Variants in HELLS observed in about 807,000 individuals in gnomAD.
The protein encoded by HELLS is helicase, lymphoid specific, also known as lymphoid-specific helicase.
In HELLS, 32 loss-of-function variants were observed where a neutral mutation model predicts 120.0. The ratio of observed to expected loss-of-function variants is 0.27; its 90% confidence interval spans 0.20 to 0.36. HELLS has a LOEUF of 0.36. Ranked by LOEUF, HELLS falls within the 10% of genes least tolerant of loss-of-function variation. HELLS has a pLI of 1.00. For missense variants in HELLS, 650 were observed against 993.4 expected, an observed-to-expected ratio of 0.65 and a Z score of 4.65; for synonymous variants, 341 against 323.4, an observed-to-expected ratio of 1.05 and a Z score of -0.58.
At chr10:94,601,490 A>G (rs763728229) in intron 21 of HELLS, 38 bp from the exon 22 acceptor site, 1 of 1,042,720 alleles carries the variant, frequency 9.6e-7, no homozygotes, top group South Asian at 1.4e-5. Context: ...TTCTTCTTAT[A>G]CTTCTAAAAT....
intron 6 of HELLS, among the ~76,000 whole-genome samples, chr10:94,567,060 C>G (rs1589721678): frequency 6.6e-6 from 1 of 152,148 alleles, no homozygotes; most frequent in African/African-American, 2.4e-5. Flanking sequence ...TCCATTGTTT[C>G]ATTCTCACCT....
Position 94,558,159 on chromosome 10 carries a change from A to T in HELLS, c.297A>T (p.Lys99Asn), listed in dbSNP as rs1843358335. 6.4e-7 allele frequency: 1 copy of T among 1,570,414 alleles called. No homozygotes were observed. Among genetic ancestry groups the T allele is most frequent in the Admixed American group, 2.0e-5 (1 of 48,916 alleles). Residue 99 changes from lysine (K) to asparagine (N), a missense_variant, in exon 4 of 22, where the codon AAA becomes AAT. Around this residue, in one of 9 missense-constraint regions of HELLS, gnomAD observed 113 missense variants for 120.7 expected, o/e 0.94. Coordinates refer to ENST00000348459, the MANE Select transcript of HELLS (RefSeq NM_018063.5). ...QQLEEQKKKEKLERKKESLKV... is the reference protein window; with the variant it reads ...QQLEEQKKKENLERKKESLKV... Reference sequence around the variant, plus strand: ...TACAGGAACAGAAGAAGAAAGAAAAATTGGAGAGAAAAAAGGAGTCTTTAA... The same window carrying T: ...TACAGGAACAGAAGAAGAAAGAAAATTTGGAGAGAAAAAAGGAGTCTTTAA...
At chr10:94,584,936 C>G (rs971064661) in intron 12 of HELLS, among the ~76,000 whole-genome samples, 1 of 152,036 alleles carries the variant, frequency 6.6e-6, no homozygotes, top group Admixed American at 6.5e-5. Context: ...ACGCTTTGTC[C>G]TAATTATGTT....
downstream of HELLS, among the ~76,000 whole-genome samples, chr10:94,605,639 G>C (rs1171386225): frequency 7.0e-6 from 1 of 141,870 alleles, no homozygotes; most frequent in East Asian, 2.0e-4. Context: ...AAAATTAATG[G>C]TTCCTTTTTT....
intron 9 of HELLS, 39 bp downstream of exon 9, chr10:94,574,775 A>G: frequency 6.9e-7 from 1 of 1,450,946 alleles, no homozygotes; most frequent in Non-Finnish European, 9.6e-7. Flanking sequence ...ATAATTTTAC[A>G]TGTTTTCTTA....
At chr10:94,546,577 T>C in intron 2 of HELLS, 79 bp downstream of exon 2, 1 of 1,531,540 alleles carries the variant, frequency 6.5e-7, no homozygotes, top group South Asian at 1.1e-5. Flanking sequence ...TTTGTGTTCT[T>C]TGCTTTCCTA....
At chr10:94,568,355 C>T (rs541487517) in intron 6 of HELLS, among the ~76,000 whole-genome samples, 1 of 152,156 alleles carries the variant, frequency 6.6e-6, no homozygotes, top group African/African-American at 2.4e-5. Flanking sequence ...TCCTCTCTTC[C>T]GAATCTTGCT....
At chr10:94,558,252 T>C (rs1843362121) in intron 4 of HELLS, 57 bp downstream of exon 4, 1 of 1,497,382 alleles carries the variant, frequency 6.7e-7, no homozygotes, top group African/African-American at 1.4e-5. Context: ...GAAATACTTT[T>C]GTATTCTTCT....
intron 12 of HELLS, chr10:94,584,033 T>A (rs1845001855): frequency 1.1e-6 from 1 of 950,740 alleles, no homozygotes; most frequent in Non-Finnish European, 1.6e-6. Flanking sequence ...AGATGAGGGC[T>A]TCTTTGAAGG....
chr10:94,562,555 A>T, intron 4 of HELLS, 136 bp from the exon 5 acceptor site: 1 of 569,644 alleles, frequency 1.8e-6, no homozygotes. Context: ...ACATGTAGGT[A>T]AGTATAATAG....
rs1430148608 is a variant in HELLS, at chr10:94,607,121, AT to A, written c.818-787del. 2.6e-5 allele frequency among the ~76,000 whole-genome samples: 4 copies of A among 152,132 alleles called. No homozygotes were observed. In the South Asian group the frequency reaches 8.3e-4, roughly 32 times the overall value. On this transcript the variant is annotated intron_variant, in intron 8 of 9. Transcript: ENST00000371327. ...ATGTGGATTCCCCTATTCCAGACTGATTCACCCTTTTCAGTGAGTTAGTCGT... is the reference window on the plus strand; with the variant it reads ...ATGTGGATTCCCCTATTCCAGACTGATCACCCTTTTCAGTGAGTTAGTCGT...
chr10:94,605,694 T>C (rs1453248963), downstream of HELLS, among the ~76,000 whole-genome samples: 1 of 148,936 alleles, frequency 6.7e-6, no homozygotes, highest in East Asian at 2.0e-4. Context: ...CACCTAGGCA[T>C]GAATACAGCT....
intron 9 of HELLS, among the ~76,000 whole-genome samples, chr10:94,609,213 A>G (rs1142415): frequency 2.6e-5 from 4 of 151,502 alleles, no homozygotes; most frequent in African/African-American, 9.7e-5. Flanking sequence ...AGTAGAGATG[A>G]GGTTTCTCCA....
At chr10:94,605,588 AGTT>A (rs1026141029), downstream of HELLS, among the ~76,000 whole-genome samples, 11 of 151,026 alleles carry the variant, frequency 7.3e-5, no homozygotes, top group African/African-American at 1.7e-4. Flanking sequence ...GAATTTCGAA[AGTT>A]GTTGTGTTGT....
At chr10:94,606,667 T>A (rs1156396215), downstream of HELLS, among the ~76,000 whole-genome samples, 1 of 152,212 alleles carries the variant, frequency 6.6e-6, no homozygotes, top group African/African-American at 2.4e-5. Flanking sequence ...CTAGAACTCG[T>A]AACAAAATTT....
At chr10:94,589,680 CTT>C (rs67491329) in intron 13 of HELLS, among the ~76,000 whole-genome samples, 76 of 91,962 alleles carry the variant, frequency 8.3e-4, no homozygotes, top group Middle Eastern at 9.1e-3. Context: ...CTCCCCCCGA[CTT>C]TTTTTTTTTT....
chr10:94,574,326 C>A, intron 8 of HELLS, 139 bp downstream of exon 8: 1 of 725,870 alleles, frequency 1.4e-6, no homozygotes, highest in Non-Finnish European at 2.3e-6. Context: ...TTTCTGATTT[C>A]TTTACCCTGA....
In HELLS at chr10:94,609,461, A is replaced by G. The variant is rs1315099954; in HGVS notation, c.*2-392A>G. On this transcript the variant is annotated intron_variant, in intron 9 of 9. Transcript: ENST00000371327. ...AATTCTGCATAGCAAAAACTATGAT[A>G]GGTGTGTTAAGTAATGAAGTTTGGG... Among the ~76,000 whole-genome samples, 7 of 152,202 alleles carry G rather than the reference A, an allele frequency of 4.6e-5. No individual in the cohort carries two copies. In the East Asian group the frequency reaches 1.3e-3, roughly 29 times the overall value.
intron 4 of HELLS, among the ~76,000 whole-genome samples, chr10:94,560,691 T>G (rs1159528237): frequency 6.6e-6 from 1 of 150,808 alleles, no homozygotes; most frequent in African/African-American, 2.5e-5. Flanking sequence ...AGGGAGACTC[T>G]GTTCCTAAAT....
Sources: allele counts gnomAD v4.1 joint callset (sites outside exome capture counted in the v4.1 genomes callset), GRCh38; gene constraint gnomAD v4.1.1; regional missense constraint gnomAD v4.1.1; transcripts MANE v1.5; gene names NCBI Gene and HGNC (gene_info 2026-07-23, HGNC 2026-07-21).